The following RGS7 variants were observed in gnomAD, a reference collection of about 807,000 sequenced individuals.
RGS7 encodes regulator of G protein signaling 7.
Under a neutral mutation model 81.1 loss-of-function variants are expected in RGS7, and 27 were observed. The ratio of observed to expected loss-of-function variants is 0.33; its 90% CI spans 0.25 to 0.46. The LOEUF (loss-of-function observed/expected upper bound fraction) is 0.46. RGS7 is among the 20% of genes least tolerant of loss of function. The probability of loss-of-function intolerance (pLI) is 1.00; values close to 1 mark genes in which losing one functional copy is unlikely to be tolerated. For synonymous variants in RGS7, 208 were observed against 207.7 expected, an observed-to-expected ratio of 1.00 and a Z score of -0.01; for missense variants, 396 against 607.4, an observed-to-expected ratio of 0.65 and a Z score of 3.66.
intron 2 of RGS7, among the ~76,000 whole-genome samples, chr1:241,330,724 C>T (rs2081932198): frequency 6.6e-6 from 1 of 152,166 alleles, no homozygotes; most frequent in African/African-American, 2.4e-5. Flanking sequence ...ATATATTCTT[C>T]CACACCACAC....
In RGS7 at chr1:240,803,008, T is replaced by C. The variant is rs1274636997; in HGVS notation, c.1270-15A>G. 1.3e-6 allele frequency: 2 copies of C among 1,518,134 alleles called. No individual in the cohort carries two copies. Among genetic ancestry groups the C allele is most frequent in the East Asian group, 2.3e-5 (1 of 44,320 alleles). The allele number at this position is 1,518,134 out of a possible 1,614,324, so 94.0% of individuals were successfully genotyped here. A position where few individuals can be genotyped will look rare whatever the true frequency, so the allele number is the denominator to read the frequency against. ...TAAATGTGCTCCTAAAAAGAAATAA[T>C]GGTTGAGGTGCTTCTTTATGATTTC... On this transcript the variant is annotated splice_polypyrimidine_tract_variant and intron_variant, in intron 15 of 18. Coordinates refer to ENST00000440928, the MANE Select transcript of RGS7 (RefSeq NM_001364886.1).
chr1:240,831,571 T>A (rs1693841034), intron 9 of RGS7, among the ~76,000 whole-genome samples: 1 of 151,074 alleles, frequency 6.6e-6, no homozygotes, highest in Admixed American at 6.6e-5. Context: ...TATGGGAGCA[T>A]AATGACTAAG....
intron 3 of RGS7, among the ~76,000 whole-genome samples, chr1:241,030,799 T>TA (rs1171336068): frequency 2.0e-5 from 3 of 151,842 alleles, no homozygotes; most frequent in East Asian, 1.9e-4. Flanking sequence ...ATACTCCTCT[T>TA]AAAAAAATCC....
chr1:240,793,611 ATTTT>A (rs1205854418), intron 18 of RGS7, among the ~76,000 whole-genome samples: 2 of 78,814 alleles, frequency 2.5e-5, no homozygotes, highest in East Asian at 3.3e-4. Flanking sequence ...ATATATATAT[ATTTT>A]TTTTTTTTTT....
intron 14 of RGS7, among the ~76,000 whole-genome samples, chr1:240,807,900 T>G (rs571328456): frequency 6.6e-6 from 1 of 152,146 alleles, no homozygotes; most frequent in African/African-American, 2.4e-5. Context: ...CTGGGTGTGG[T>G]GGCGAATGCC....
Position 240,824,468 on chromosome 1 carries a change from C to T in RGS7, c.684+2630G>A, listed in dbSNP as rs202153577. The stretch of plus-strand genomic sequence containing the variant: ...CGCTACAGAGACGGCTCAATTATGG[C>T]GGAAGGGAAGGGTGGCTTCCAGGGG... On this transcript the variant is annotated intron_variant, in intron 10 of 18. Transcript: ENST00000440928. 5.9e-5 allele frequency among the ~76,000 whole-genome samples: 9 copies of T among 152,320 alleles called. No homozygotes were observed. In the East Asian group the frequency reaches 1.4e-3, roughly 23 times the overall value.
intron 5 of RGS7, among the ~76,000 whole-genome samples, chr1:240,936,389 C>T (rs1676639894): frequency 6.6e-6 from 1 of 152,216 alleles, no homozygotes; most frequent in Non-Finnish European, 1.5e-5. Flanking sequence ...CACAATTTAG[C>T]TTTCACACAT....
At chr1:241,016,568 C>CA (rs890392440) in intron 3 of RGS7, among the ~76,000 whole-genome samples, 178 of 134,764 alleles carry the variant, frequency 1.3e-3, no homozygotes, top group East Asian at 7.0e-3. Flanking sequence ...ACCAAACAAA[C>CA]AAAAAAAAAA....
At chr1:240,803,397 T>C (rs1688313556) in intron 15 of RGS7, among the ~76,000 whole-genome samples, 1 of 152,140 alleles carries the variant, frequency 6.6e-6, no homozygotes, top group African/African-American at 2.4e-5. Flanking sequence ...CTGGATACCT[T>C]TGGCCTCTAC....
intron 2 of RGS7, among the ~76,000 whole-genome samples, chr1:241,343,161 C>A (rs1313808827): frequency 6.6e-6 from 1 of 151,436 alleles, no homozygotes; most frequent in East Asian, 1.9e-4. Flanking sequence ...ACTCGGGAGG[C>A]TGAGGCAGGA....
intron 6 of RGS7, among the ~76,000 whole-genome samples, chr1:240,896,710 GT>G (rs200403691): frequency 0.13 from 19,425 of 152,138 alleles, 1,352 homozygotes; most frequent in Middle Eastern, 0.18. Context: ...TTGAAGTCAG[GT>G]TAGCGTGATG....
intron 2 of RGS7, among the ~76,000 whole-genome samples, chr1:241,308,225 G>T (rs1234347850): frequency 1.3e-5 from 2 of 152,168 alleles, no homozygotes; most frequent in Non-Finnish European, 1.5e-5. Flanking sequence ...TGACCAGAAT[G>T]GAGAAATAGG....
intron 3 of RGS7, among the ~76,000 whole-genome samples, chr1:241,034,478 A>G (rs1365494177): frequency 6.6e-6 from 1 of 152,218 alleles, no homozygotes; most frequent in East Asian, 1.9e-4. Context: ...TGTGCGATGG[A>G]ACACGATGTT....
chr1:240,829,800 CTG>C (rs1693502283), intron 9 of RGS7, among the ~76,000 whole-genome samples: 1 of 152,040 alleles, frequency 6.6e-6, no homozygotes, highest in Non-Finnish European at 1.5e-5. Context: ...CTGTCTCTCT[CTG>C]TCTTTCTTTT....
intron 2 of RGS7, among the ~76,000 whole-genome samples, chr1:241,120,459 C>T (rs892847943): frequency 2.0e-5 from 3 of 152,102 alleles, no homozygotes; most frequent in African/African-American, 4.8e-5. Context: ...GCAATCTTCA[C>T]GCCTCAGCCT....
At chr1:241,306,193 TACAC>T (rs879709587) in intron 2 of RGS7, among the ~76,000 whole-genome samples, 8 of 137,094 alleles carry the variant, frequency 5.8e-5, no homozygotes, top group South Asian at 2.5e-4. Context: ...CATGCACAAA[TACAC>T]ACACAGGTCC....
At chr1:241,182,934 A>G (rs1235584812) in intron 2 of RGS7, among the ~76,000 whole-genome samples, 1 of 147,334 alleles carries the variant, frequency 6.8e-6, no homozygotes, top group Non-Finnish European at 1.5e-5. Context: ...TCAGCCTCCC[A>G]AACGTTTTTC....
At chr1:240,998,685 A>C (rs1687672309) in intron 3 of RGS7, 1 of 1,154,858 alleles carries the variant, frequency 8.7e-7, no homozygotes, top group Non-Finnish European at 1.3e-6. Flanking sequence ...TTCAACATTT[A>C]CACCGGCTGC....
chr1:240,926,130 A>G (rs1280995520), intron 6 of RGS7, among the ~76,000 whole-genome samples: 1 of 152,062 alleles, frequency 6.6e-6, no homozygotes, highest in Non-Finnish European at 1.5e-5. Context: ...CAGTTTAATT[A>G]ATTAGTTTTA....
Sources: gnomAD v4.1 joint callset for allele counts (sites outside exome capture counted in the v4.1 genomes callset) on GRCh38, gnomAD v4.1.1 for gene constraint, MANE v1.5 for transcripts, NCBI Gene and HGNC (gene_info 2026-07-23, HGNC 2026-07-21) for gene names.